Variants in DAB1 observed in about 807,000 individuals in gnomAD.
The protein encoded by DAB1 is disabled homolog 1.
Under a neutral mutation model 64.6 loss-of-function variants are expected in DAB1, and 15 were observed. That is an observed-to-expected ratio of 0.23 (90% CI 0.16 to 0.36). DAB1 has a LOEUF of 0.36. Among genes scored for constraint, DAB1 ranks in the 10% least tolerant of loss-of-function variants. The pLI, the probability that DAB1 is intolerant of heterozygous loss-of-function variation, is 1.00. For synonymous variants in DAB1, 235 were observed against 251.9 expected (o/e 0.93, Z 0.64); for missense variants, 596 against 706.7 (o/e 0.84, Z 1.78).
chr1:58,390,725 C>T (rs374642181), intron 3 of DAB1, among the ~76,000 whole-genome samples: 2 of 152,290 alleles, frequency 1.3e-5, no homozygotes. Context: ...ATTTTTTGCA[C>T]CATGTCTCAG....
In DAB1 at chr1:57,253,654, C is replaced by T. The variant is rs549645288; in HGVS notation, c.67+37310G>A. 5.3e-5 allele frequency among the ~76,000 whole-genome samples: 8 copies of T among 152,258 alleles called. No individual in the cohort carries two copies. In the South Asian group the frequency reaches 1.7e-3, roughly 32 times the overall value. On this transcript the variant is annotated intron_variant, in intron 2 of 14. Transcript: ENST00000371236. Reference sequence around the variant, plus strand: ...ACCCTTGAAATGAAAAATAGAAAGTCCGATAAGTTAGCACTCTTATTTCTA... The same window carrying T: ...ACCCTTGAAATGAAAAATAGAAAGTTCGATAAGTTAGCACTCTTATTTCTA...
intron 4 of DAB1, among the ~76,000 whole-genome samples, chr1:58,249,042 G>A (rs1161952311): frequency 2.0e-5 from 3 of 152,060 alleles, no homozygotes; most frequent in Non-Finnish European, 4.4e-5. Context: ...ACAGGCAAGA[G>A]CCCCTCTGAA....
At chr1:57,967,697 G>A (rs185264444) in intron 5 of DAB1, among the ~76,000 whole-genome samples, 3 of 152,120 alleles carry the variant, frequency 2.0e-5, no homozygotes, top group Middle Eastern at 3.4e-3. Context: ...CTACTTTACA[G>A]GGGGGTTGTG....
At chr1:57,798,651 C>A (rs191272214) in intron 6 of DAB1, among the ~76,000 whole-genome samples, 2 of 152,336 alleles carry the variant, frequency 1.3e-5, no homozygotes, top group Admixed American at 6.5e-5. Context: ...TCCCTTTCTG[C>A]CTATAACATG....
chr1:57,351,560 T>C (rs559891709), intron 1 of DAB1, among the ~76,000 whole-genome samples: 1 of 151,694 alleles, frequency 6.6e-6, no homozygotes, highest in East Asian at 1.9e-4. Context: ...TTGTATAAGG[T>C]GATATTAAGG....
intron 3 of DAB1, among the ~76,000 whole-genome samples, chr1:57,143,593 T>A (rs1658821324): frequency 6.6e-6 from 1 of 152,280 alleles, no homozygotes; most frequent in Admixed American, 6.5e-5. Flanking sequence ...AGAAGACATA[T>A]AAATGAATAT....
intron 4 of DAB1, among the ~76,000 whole-genome samples, chr1:58,274,612 C>T (rs559741574): frequency 2.0e-4 from 30 of 151,734 alleles, no homozygotes; most frequent in Admixed American, 7.9e-4. Context: ...AGCCTCGCTG[C>T]CGCCTTGCAG....
intron 7 of DAB1, among the ~76,000 whole-genome samples, chr1:57,454,735 C>A (rs375774186): frequency 6.6e-6 from 1 of 151,960 alleles, no homozygotes; most frequent in South Asian, 2.1e-4. Flanking sequence ...GAAGATAGTT[C>A]TCTAGACCGG....
intron 6 of DAB1, among the ~76,000 whole-genome samples, chr1:57,727,247 G>T (rs1647227178): frequency 6.6e-6 from 1 of 152,168 alleles, no homozygotes; most frequent in South Asian, 2.1e-4. Context: ...CCAGCACATG[G>T]GCACTGCTAT....
intron 3 of DAB1, among the ~76,000 whole-genome samples, chr1:58,428,900 T>C (rs1644844625): frequency 4.6e-5 from 7 of 152,202 alleles, no homozygotes; most frequent in Admixed American, 4.6e-4. Flanking sequence ...GCAAAACTCA[T>C]TGTAAAGGAG....
intron 5 of DAB1, among the ~76,000 whole-genome samples, chr1:58,117,243 A>G (rs994538749): frequency 2.6e-5 from 4 of 152,336 alleles, no homozygotes; most frequent in Admixed American, 6.5e-5. Flanking sequence ...TGCCTGTACT[A>G]GTAAGTTACT....
intron 2 of DAB1, among the ~76,000 whole-genome samples, chr1:57,201,687 C>T (rs1401397110): frequency 6.6e-6 from 1 of 152,118 alleles, no homozygotes; most frequent in African/African-American, 2.4e-5. Flanking sequence ...TCTAGTGGAA[C>T]ATAGTATTTT....
At chr1:57,025,918 A>T in intron 10 of DAB1, 63 bp downstream of exon 10, 1 of 1,341,078 alleles carries the variant, frequency 7.5e-7, no homozygotes, top group Non-Finnish European at 1.0e-6. Context: ...TATTCTGGCC[A>T]CTGAGGGGAT....
intron 4 of DAB1, among the ~76,000 whole-genome samples, chr1:58,179,639 C>G (rs912296930): frequency 9.2e-5 from 14 of 152,134 alleles, no homozygotes; most frequent in African/African-American, 3.1e-4. Context: ...ATAGAATTCC[C>G]TTAAGCCTTT....
intron 1 of DAB1, chr1:57,862,531 G>T (rs1654099026): frequency 6.6e-6 from 1 of 152,176 alleles, no homozygotes; most frequent in African/African-American, 2.4e-5. Context: ...CAAGGCACAG[G>T]CTGGAAGAAA....
At chr1:58,076,138 A>G (rs1031440693) in intron 5 of DAB1, among the ~76,000 whole-genome samples, 3 of 152,188 alleles carry the variant, frequency 2.0e-5, no homozygotes, top group Admixed American at 6.5e-5. Context: ...GATATATAAT[A>G]ATAGTAACTA....
At chr1:58,115,064 G>A (rs1467744280) in intron 5 of DAB1, among the ~76,000 whole-genome samples, 2 of 146,650 alleles carry the variant, frequency 1.4e-5, no homozygotes, top group African/African-American at 2.6e-5. Context: ...TACAACATGG[G>A]AGAAAATTTT....
At chr1:58,125,967 G>A (rs866197901) in intron 5 of DAB1, among the ~76,000 whole-genome samples, 3 of 152,086 alleles carry the variant, frequency 2.0e-5, no homozygotes, top group South Asian at 2.1e-4. Flanking sequence ...AGGAGAAGGG[G>A]ACAGGCTGTT....
intron 1 of DAB1, among the ~76,000 whole-genome samples, chr1:57,842,336 A>G (rs1171542480): frequency 4.6e-5 from 7 of 152,158 alleles, no homozygotes; most frequent in East Asian, 1.9e-4. Flanking sequence ...GGAAGTTCCA[A>G]ACATTCCCAT....
Sources: allele counts gnomAD v4.1 joint callset (sites outside exome capture counted in the v4.1 genomes callset), GRCh38; gene constraint gnomAD v4.1.1; transcripts MANE v1.5; gene names NCBI Gene and HGNC (gene_info 2026-07-23, HGNC 2026-07-21).